SORBS2: variants seen among roughly 807,000 people sequenced by gnomAD.
SORBS2 encodes sorbin and SH3 domain-containing protein 2.
Under a neutral mutation model 97.7 loss-of-function variants are expected in SORBS2, and 46 were observed. The ratio of observed to expected loss-of-function variants is 0.47; its 90% CI spans 0.37 to 0.60. The LOEUF (loss-of-function observed/expected upper bound fraction) is 0.60. Ranked by LOEUF, SORBS2 falls within the 20% of genes least tolerant of loss-of-function variation. The pLI is 0.00. For missense variants in SORBS2, 1,316 were observed against 1,282.3 expected (o/e 1.03, Z -0.40); for synonymous variants, 476 against 473.4 (o/e 1.01, Z -0.07).
intron 1 of SORBS2, among the ~76,000 whole-genome samples, chr4:185,879,524 A>G (rs1176272865): frequency 2.6e-5 from 4 of 152,138 alleles, no homozygotes; most frequent in Non-Finnish European, 4.4e-5. Flanking sequence ...TAGTCCTTTG[A>G]GTATATACCC....
chr4:185,860,757 T>C (rs2099223280), intron 1 of SORBS2, among the ~76,000 whole-genome samples: 1 of 152,152 alleles, frequency 6.6e-6, no homozygotes. Context: ...CCAGGTGGAT[T>C]CAAAGACTTT....
chr4:185,678,978 C>T (rs2097835271), intron 2 of SORBS2, among the ~76,000 whole-genome samples, 156 bp from the exon 6 acceptor site: 1 of 152,038 alleles, frequency 6.6e-6, no homozygotes. Flanking sequence ...GAGGCTTGTA[C>T]ATTTATTTTT....
chr4:185,679,571 G>A (rs557761224), intron 2 of SORBS2, among the ~76,000 whole-genome samples: 5 of 152,194 alleles, frequency 3.3e-5, no homozygotes, highest in Middle Eastern at 3.4e-3. Context: ...CAGTTTGCAC[G>A]TTTAACTCAT....
chr4:185,649,542 G>A (rs772722820), exon 3 of SORBS2: 4 of 1,606,596 alleles, frequency 2.5e-6, no homozygotes, highest in South Asian at 2.2e-5. Context: ...CACTGGGGAG[G>A]ACGCATCCTT....
At chr4:185,922,863 A>G (rs2099261566) in intron 1 of SORBS2, among the ~76,000 whole-genome samples, 1 of 152,202 alleles carries the variant, frequency 6.6e-6, no homozygotes, top group Admixed American at 6.5e-5. Flanking sequence ...CCTAGGAAAT[A>G]TAGTAACCCA....
intron 1 of SORBS2, among the ~76,000 whole-genome samples, chr4:185,936,114 C>T (rs1029762989): frequency 2.0e-5 from 3 of 152,242 alleles, no homozygotes; most frequent in African/African-American, 7.2e-5. Context: ...CCGACTCGGC[C>T]TCCCAAACTA....
At position 185,677,707 on chromosome 4, in the gene SORBS2, C is replaced by T. The variant is rs116495548; in HGVS notation, c.-46+716G>A. 11,848 of 1,310,028 alleles carry T rather than the reference C, an allele frequency of 9.0e-3. 64 individuals are homozygous for T. Among genetic ancestry groups the T allele is most frequent in the Non-Finnish European group, 0.011 (10,589 of 994,664 alleles). 81.2% of individuals were successfully genotyped at this position (1,310,028 alleles called of 1,614,324 possible). A position where few individuals can be genotyped will look rare whatever the true frequency, so the allele number is the denominator to read the frequency against. ...AAAAACAGAGAAAGTCCAAGTTAGTCATGAAAGAAACCAGTGTCAACCTTG... is the reference window on the plus strand; with the variant it reads ...AAAAACAGAGAAAGTCCAAGTTAGTTATGAAAGAAACCAGTGTCAACCTTG... On this transcript the variant is annotated intron_variant, in intron 4 of 20. Transcript: ENST00000284776.
intron 1 of SORBS2, among the ~76,000 whole-genome samples, chr4:185,823,046 G>T (rs1251805388): frequency 6.6e-6 from 1 of 152,154 alleles, no homozygotes; most frequent in East Asian, 1.9e-4. Flanking sequence ...CTCTGTGTTT[G>T]CCTTATCTTA....
At chr4:185,787,362 A>C (rs1026054883) in intron 1 of SORBS2, among the ~76,000 whole-genome samples, 3 of 152,214 alleles carry the variant, frequency 2.0e-5, no homozygotes, top group African/African-American at 7.2e-5. Context: ...GAACTGATGC[A>C]TTGGGGAACA....
At chr4:185,765,762 C>T (rs1407035089) in intron 2 of SORBS2, among the ~76,000 whole-genome samples, 1 of 152,060 alleles carries the variant, frequency 6.6e-6, no homozygotes, top group Non-Finnish European at 1.5e-5. Flanking sequence ...ATTTTTTTAC[C>T]ACAGAAAAAG....
intron 3 of SORBS2, 112 bp from the exon 13 acceptor site, chr4:185,646,894 C>A (rs2097216918): frequency 4.6e-6 from 3 of 656,022 alleles, no homozygotes; most frequent in South Asian, 2.0e-5. Context: ...TAAAAAAAAT[C>A]TCTCAGGATA....
upstream of SORBS2, among the ~76,000 whole-genome samples, chr4:185,660,918 G>A (rs1216595781): frequency 6.6e-6 from 1 of 152,094 alleles, no homozygotes; most frequent in Non-Finnish European, 1.5e-5. Context: ...GAATTCCTAT[G>A]ATAGTTCAAT....
chr4:185,908,523 C>A (rs553941318), intron 1 of SORBS2, among the ~76,000 whole-genome samples: 2 of 149,776 alleles, frequency 1.3e-5, no homozygotes, highest in Non-Finnish European at 1.5e-5. Flanking sequence ...TAAATCAAAA[C>A]GCTTAGAAAG....
At chr4:185,941,913 C>T (rs921219152) in intron 1 of SORBS2, among the ~76,000 whole-genome samples, 4 of 152,014 alleles carry the variant, frequency 2.6e-5, no homozygotes, top group African/African-American at 4.8e-5. Flanking sequence ...GTGAGGAGAT[C>T]GAGACCAGCC....
chr4:185,903,291 T>A (rs1425693747), intron 1 of SORBS2, among the ~76,000 whole-genome samples: 3 of 152,170 alleles, frequency 2.0e-5, no homozygotes, highest in African/African-American at 4.8e-5. Context: ...AAGATTAGTG[T>A]GAGGTTTAGA....
chr4:185,857,950 A>T (rs904414597), intron 1 of SORBS2, among the ~76,000 whole-genome samples: 1 of 152,214 alleles, frequency 6.6e-6, no homozygotes, highest in African/African-American at 2.4e-5. Context: ...TTGCCTTGTG[A>T]TCTTGCTCTG....
Position 185,815,540 on chromosome 4 carries a change from A to G in SORBS2, c.-337-40174T>C, listed in dbSNP as rs1172648342. 3.3e-5 allele frequency among the ~76,000 whole-genome samples: 5 copies of G among 152,336 alleles called. No individual in the cohort carries two copies. In the East Asian group the frequency reaches 9.6e-4, roughly 29 times the overall value. ...GTATGAAAGCGTAGAATACCACACC[A>G]TAATATGATTTTCTAAGACAAATAT... On this transcript the variant is annotated intron_variant, in intron 1 of 20. Coordinates refer to the SORBS2 transcript ENST00000284776.
chr4:185,654,696 C>T (rs1030324966), intron 1 of SORBS2, among the ~76,000 whole-genome samples: 3 of 152,182 alleles, frequency 2.0e-5, no homozygotes, highest in Non-Finnish European at 2.9e-5. Flanking sequence ...TCATGGAGAT[C>T]GCTATGCCTA....
intron 12 of SORBS2, among the ~76,000 whole-genome samples, chr4:185,603,001 T>C (rs1448267712): frequency 2.0e-5 from 3 of 152,212 alleles, no homozygotes; most frequent in Non-Finnish European, 2.9e-5. Flanking sequence ...TCTCATGTGG[T>C]CATTAAAATA....
Sources: allele counts gnomAD v4.1 joint callset (sites outside exome capture counted in the v4.1 genomes callset), GRCh38; gene constraint gnomAD v4.1.1; transcripts MANE v1.5; gene names NCBI Gene and HGNC (gene_info 2026-07-23, HGNC 2026-07-21).